NAV3: variants seen among roughly 807,000 people sequenced by gnomAD.
The protein encoded by NAV3 is pore membrane and/or filament interacting like protein 1.
NAV3 carries 87 observed loss-of-function variants against 244.7 expected under a neutral mutation model. That is an observed-to-expected ratio of 0.36 (90% CI 0.30 to 0.42). The LOEUF (loss-of-function observed/expected upper bound fraction) is 0.42. Ranked by LOEUF, NAV3 falls within the 20% of genes least tolerant of loss-of-function variation. The pLI, the probability that NAV3 is intolerant of heterozygous loss-of-function variation, is 1.00. For synonymous variants in NAV3, 1,126 were observed against 1,042.2 expected (o/e 1.08, Z -1.55); for missense variants, 2,663 against 2,893.3 (o/e 0.92, Z 1.83).
intron 2 of NAV3, among the ~76,000 whole-genome samples, chr12:77,823,794 A>T: frequency 6.6e-6 from 1 of 152,320 alleles, no homozygotes; most frequent in South Asian, 2.1e-4. Flanking sequence ...ATGGAAACAT[A>T]CTTAAGAAAT....
chr12:77,992,664 G>C (rs1291220234), intron 5 of NAV3, among the ~76,000 whole-genome samples: 3 of 152,130 alleles, frequency 2.0e-5, no homozygotes, highest in East Asian at 3.9e-4. Flanking sequence ...AATCTTAGTA[G>C]CAAGTGAATT....
At chr12:78,104,007 C>A (rs944781465) in intron 12 of NAV3, among the ~76,000 whole-genome samples, 1 of 152,118 alleles carries the variant, frequency 6.6e-6, no homozygotes, top group Non-Finnish European at 1.5e-5. Flanking sequence ...TTATGGAAAT[C>A]AAAAATAATA....
intron 2 of NAV3, among the ~76,000 whole-genome samples, chr12:77,780,149 G>T (rs775435336): frequency 4.6e-5 from 7 of 152,258 alleles, no homozygotes; most frequent in Non-Finnish European, 1.0e-4. Context: ...CGAGGCGCAC[G>T]GGTGAGCAGA....
intron 2 of NAV3, among the ~76,000 whole-genome samples, chr12:77,689,166 T>C (rs1049655095): frequency 5.9e-5 from 9 of 151,924 alleles, no homozygotes; most frequent in African/African-American, 2.2e-4. Flanking sequence ...CTAAAAACAT[T>C]TCCTGCTGAA....
At chr12:77,969,005 T>TA (rs1357329180) in intron 5 of NAV3, among the ~76,000 whole-genome samples, 1 of 152,188 alleles carries the variant, frequency 6.6e-6, no homozygotes, top group African/African-American at 2.4e-5. Flanking sequence ...ATGACTTTAG[T>TA]ATTTAGAATG....
At position 77,983,477 on chromosome 12, in the gene NAV3, GAA is replaced by G. The variant is rs1192263973; in HGVS notation, c.672-11320_672-11319del. Among the ~76,000 whole-genome samples, 3 of 152,198 alleles carry G rather than the reference GAA, an allele frequency of 2.0e-5. No individual in the cohort carries two copies. In the East Asian group the frequency reaches 5.8e-4, roughly 29 times the overall value. Reference sequence around the variant, plus strand: ...ACAGATGGGAGGAAGGAGGCAGAGAGAAAAAAAGTTTAGCTTTGGCCTTCGTA... The same window carrying G: ...ACAGATGGGAGGAAGGAGGCAGAGAGAAAAAGTTTAGCTTTGGCCTTCGTA... On this transcript the variant is annotated intron_variant, in intron 5 of 39. Coordinates refer to ENST00000397909, the MANE Select transcript of NAV3 (RefSeq NM_001024383.2).
intron 1 of NAV3, among the ~76,000 whole-genome samples, chr12:77,884,863 T>G (rs1384709247): frequency 2.6e-5 from 4 of 152,152 alleles, no homozygotes; most frequent in Non-Finnish European, 5.9e-5. Flanking sequence ...TCACCGTTAA[T>G]TTAGTATCAC....
intron 12 of NAV3, among the ~76,000 whole-genome samples, chr12:78,066,515 A>G (rs888193894): frequency 6.6e-6 from 1 of 152,252 alleles, no homozygotes; most frequent in Admixed American, 6.5e-5. Flanking sequence ...GATACCATAT[A>G]TTATATTGAA....
chr12:78,190,154 A>C lies in NAV3; in HGVS notation c.6226A>C (p.Lys2076Gln). The C allele has an allele frequency of 6.2e-7, 1 of 1,613,006 alleles. No homozygotes were observed. Among genetic ancestry groups the C allele is most frequent in the Non-Finnish European group, 8.5e-7 (1 of 1,179,476 alleles). The change falls in exon 34 of 40, where the codon AAA becomes CAA. Residue 2076 changes from lysine (K) to glutamine (Q), a missense_variant. By Grantham distance (53) the Lys-to-Gln change is moderately conservative. Transcript: ENST00000397909. ...ANKLAEYVIT[K>Q]SGRKKTEDAI... is the part of the protein sequence containing the mutation. ...CAAACTTGCTGAATATGTAATAACCAAATCTGGAAGGAAAAAAACAGAGGA... is the reference window on the plus strand; with the variant it reads ...CAAACTTGCTGAATATGTAATAACCCAATCTGGAAGGAAAAAAACAGAGGA...
intron 23 of NAV3, among the ~76,000 whole-genome samples, chr12:78,165,597 A>C (rs1957747684): frequency 6.6e-6 from 1 of 151,874 alleles, no homozygotes; most frequent in Non-Finnish European, 1.5e-5. Context: ...ATGGACAAAA[A>C]TAAAATAAAA....
chr12:77,648,385 T>A (rs1231029606), intron 2 of NAV3, among the ~76,000 whole-genome samples: 1 of 152,108 alleles, frequency 6.6e-6, no homozygotes, highest in Non-Finnish European at 1.5e-5. Context: ...TCATGTATGG[T>A]GTTTTATGTC....
At chr12:77,615,964 G>A (rs1871129806) in intron 2 of NAV3, among the ~76,000 whole-genome samples, 1 of 152,096 alleles carries the variant, frequency 6.6e-6, no homozygotes, top group African/African-American at 2.4e-5. Flanking sequence ...TTTGTATAAA[G>A]CATCAGTGAT....
At chr12:77,970,798 A>T (rs1410581378) in intron 5 of NAV3, among the ~76,000 whole-genome samples, 1 of 152,142 alleles carries the variant, frequency 6.6e-6, no homozygotes, top group Non-Finnish European at 1.5e-5. Flanking sequence ...GATGTTTGCA[A>T]CAAAGAGATG....
At chr12:78,075,975 G>A (rs1054940617) in intron 12 of NAV3, among the ~76,000 whole-genome samples, 3 of 152,104 alleles carry the variant, frequency 2.0e-5, no homozygotes, top group Admixed American at 6.5e-5. Context: ...AAACAATCAC[G>A]GAAGCCAAAG....
At chr12:77,710,200 G>A (rs1006544687) in intron 2 of NAV3, among the ~76,000 whole-genome samples, 1 of 152,100 alleles carries the variant, frequency 6.6e-6, no homozygotes, top group Non-Finnish European at 1.5e-5. Context: ...ATCATTAAAA[G>A]GTTCTGCTCT....
chr12:78,172,221 C>T (rs147702864), intron 24 of NAV3, among the ~76,000 whole-genome samples: 1 of 151,634 alleles, frequency 6.6e-6, no homozygotes, highest in East Asian at 1.9e-4. Flanking sequence ...TTAAGATATA[C>T]CAAATATAGT....
At chr12:77,724,786 C>T (rs1876801969) in intron 2 of NAV3, among the ~76,000 whole-genome samples, 1 of 151,870 alleles carries the variant, frequency 6.6e-6, no homozygotes, top group Admixed American at 6.6e-5. Flanking sequence ...TATTTGAGAA[C>T]ATAATATTCA....
At chr12:77,749,470 A>C (rs1868729455) in intron 2 of NAV3, among the ~76,000 whole-genome samples, 1 of 152,200 alleles carries the variant, frequency 6.6e-6, no homozygotes, top group Non-Finnish European at 1.5e-5. Context: ...GCCATACACA[A>C]AGTTAATCTG....
chr12:77,617,164 A>G (rs1488374266), intron 2 of NAV3, among the ~76,000 whole-genome samples: 1 of 152,174 alleles, frequency 6.6e-6, no homozygotes, highest in Non-Finnish European at 1.5e-5. Context: ...GACAATTTTT[A>G]AATTTTTAAA....
Sources: gnomAD v4.1 joint callset for allele counts (sites outside exome capture counted in the v4.1 genomes callset) on GRCh38, gnomAD v4.1.1 for gene constraint, MANE v1.5 for transcripts, NCBI Gene and HGNC (gene_info 2026-07-23, HGNC 2026-07-21) for gene names.